The following CIMIP4 variants were observed in gnomAD, a reference collection of about 807,000 sequenced individuals.
CIMIP4 encodes ciliary microtubule inner protein 4.
the CIMIP4 span, chr22:37,007,827 G>C: frequency 6.6e-6 from 1 of 152,398 alleles, no homozygotes; most frequent in African/African-American, 2.4e-5. Context: ...TACTGGTGAA[G>C]ACCAATGGAT....
chr22:36,997,435 T>G, the CIMIP4 span, among the ~76,000 whole-genome samples: 2 of 152,224 alleles, frequency 1.3e-5, no homozygotes, highest in African/African-American at 2.4e-5. Flanking sequence ...AATCTATTCA[T>G]TAGCATATTC....
At chr22:37,002,118 C>T in the CIMIP4 span, 10 of 1,560,188 alleles carry the variant, frequency 6.4e-6, no homozygotes, top group African/African-American at 1.4e-4. Context: ...GGGGGAATCT[C>T]CTTCAAGTGG....
At chr22:36,999,528 GA>G in the CIMIP4 span, among the ~76,000 whole-genome samples, 2 of 41,068 alleles carry the variant, frequency 4.9e-5, no homozygotes, top group Admixed American at 2.2e-4. Context: ...AAGGGGAGGG[GA>G]GGGGAGGGGA....
At chr22:37,001,645 G>A in the CIMIP4 span, among the ~76,000 whole-genome samples, 3 of 152,116 alleles carry the variant, frequency 2.0e-5, no homozygotes, top group African/African-American at 4.8e-5. Flanking sequence ...CCTTCCTCAT[G>A]GGTTGCTGGG....
At chr22:37,004,091 G>A in the CIMIP4 span, 1 of 1,434,342 alleles carries the variant, frequency 7.0e-7, no homozygotes, top group Admixed American at 2.1e-5. Flanking sequence ...ACAAGGATGA[G>A]CTGGGAGCTG....
the CIMIP4 span, chr22:36,991,565 T>A: frequency 6.2e-7 from 1 of 1,614,204 alleles, no homozygotes. Context: ...GAAGCCTTCA[T>A]GAGGCTCTTT....
chr22:36,998,651 A>G, the CIMIP4 span, among the ~76,000 whole-genome samples: 59 of 152,320 alleles, frequency 3.9e-4, no homozygotes, highest in African/African-American at 1.4e-3. Context: ...CCTAGGCACA[A>G]TGCAGACTAC....
At chr22:37,002,143 G>T in the CIMIP4 span, 10 of 1,529,812 alleles carry the variant, frequency 6.5e-6, no homozygotes, top group Non-Finnish European at 8.8e-6. Context: ...GCCCTAGGGA[G>T]CTGCCTTGAG....
At chr22:36,994,780 G>A in the CIMIP4 span, among the ~76,000 whole-genome samples, 11 of 151,988 alleles carry the variant, frequency 7.2e-5, no homozygotes, top group South Asian at 2.1e-3. Context: ...ACAGGCGCCC[G>A]CCACCGCGCC....
the CIMIP4 span, among the ~76,000 whole-genome samples, chr22:36,997,848 C>T: frequency 6.6e-6 from 1 of 152,224 alleles, no homozygotes; most frequent in African/African-American, 2.4e-5. Flanking sequence ...GCCTCACCAA[C>T]CTCAAACAGC....
the CIMIP4 span, among the ~76,000 whole-genome samples, chr22:36,992,819 A>T: frequency 6.6e-6 from 1 of 151,964 alleles, no homozygotes; most frequent in African/African-American, 2.4e-5. Flanking sequence ...ACAAAGAAAT[A>T]AAAAGATGTG....
chr22:37,000,885 G>T, the CIMIP4 span, among the ~76,000 whole-genome samples: 4 of 152,134 alleles, frequency 2.6e-5, no homozygotes, highest in African/African-American at 9.7e-5. Context: ...TGGTGGTGGG[G>T]TCACTGCACT....
the CIMIP4 span, chr22:36,991,519 T>C: frequency 2.5e-6 from 4 of 1,614,162 alleles, no homozygotes; most frequent in Non-Finnish European, 2.5e-6. Context: ...GTGTTCTAAG[T>C]CCCTCACTGA....
At chr22:37,006,910 C>T in the CIMIP4 span, among the ~76,000 whole-genome samples, 1 of 152,228 alleles carries the variant, frequency 6.6e-6, no homozygotes, top group African/African-American at 2.4e-5. Flanking sequence ...CTCTCCTCAG[C>T]TCATCTTCTC....
the CIMIP4 span, among the ~76,000 whole-genome samples, chr22:37,003,421 C>T: frequency 4.5e-3 from 683 of 152,322 alleles, 2 homozygotes; most frequent in Admixed American, 4.9e-3. Flanking sequence ...ATTCTCAGAG[C>T]GGGCCTGACT....
chr22:36,992,229 C>T, the CIMIP4 span, among the ~76,000 whole-genome samples: 2 of 152,248 alleles, frequency 1.3e-5, no homozygotes, highest in African/African-American at 4.8e-5. Context: ...CTCCTGTAAT[C>T]CCAGCTACTC....
chr22:36,992,345 TCAAA>T, the CIMIP4 span, among the ~76,000 whole-genome samples: 32,453 of 151,586 alleles, frequency 0.21, 3,739 homozygotes, highest in East Asian at 0.52. Flanking sequence ...AGACTCTGTC[TCAAA>T]CAAACAAACA....
At chr22:36,991,377 C>G in the CIMIP4 span, 2 of 1,552,020 alleles carry the variant, frequency 1.3e-6, no homozygotes, top group Non-Finnish European at 1.8e-6. Flanking sequence ...CAAGTCCACC[C>G]CGGCTCTGTC....
chr22:36,998,684 C>T, the CIMIP4 span, among the ~76,000 whole-genome samples: 1 of 152,118 alleles, frequency 6.6e-6, no homozygotes, highest in Admixed American at 6.5e-5. Flanking sequence ...GGCAAATGAT[C>T]TGAAATCTGC....
Sources: allele counts gnomAD v4.1 joint callset (sites outside exome capture counted in the v4.1 genomes callset), GRCh38; gene constraint gnomAD v4.1.1; transcripts MANE v1.5; gene names NCBI Gene and HGNC (gene_info 2026-07-23, HGNC 2026-07-21).